The following NOSTRIN variants were observed in gnomAD, a reference collection of about 807,000 sequenced individuals.
The protein encoded by NOSTRIN is nitric oxide synthase trafficking, also known as BM247 homolog.
Under a neutral mutation model 59.0 loss-of-function variants are expected in NOSTRIN, and 63 were observed. That is an observed-to-expected ratio of 1.07 (90% CI 0.87 to 1.32). The LOEUF (loss-of-function observed/expected upper bound fraction) is 1.32. Among genes scored for constraint, NOSTRIN ranks in the 40% most tolerant of loss-of-function variants. The pLI is 0.00. For synonymous variants in NOSTRIN, 200 were observed against 165.4 expected, an observed-to-expected ratio of 1.21 and a Z score of -1.61; for missense variants, 512 against 473.1, an observed-to-expected ratio of 1.08 and a Z score of -0.76.
chr2:168,811,263 A>G (rs1368149011), intron 1 of NOSTRIN: 1 of 177,704 alleles, frequency 5.6e-6, no homozygotes, highest in Non-Finnish European at 1.2e-5. Context: ...CCTGGGAACA[A>G]TAGGGGTGAC....
At chr2:168,815,391 G>T (rs2105567899) in intron 2 of NOSTRIN, among the ~76,000 whole-genome samples, 1 of 152,222 alleles carries the variant, frequency 6.6e-6, no homozygotes, top group South Asian at 2.1e-4. Context: ...AAGAGACAAA[G>T]GTACATTCTC....
At chr2:168,827,886 C>T (rs1687139619) in intron 3 of NOSTRIN, among the ~76,000 whole-genome samples, 1 of 151,968 alleles carries the variant, frequency 6.6e-6, no homozygotes, top group African/African-American at 2.4e-5. Flanking sequence ...GCCACCACAC[C>T]TGGCCATTTC....
chr2:168,794,383 G>T (rs1232551780), upstream of NOSTRIN, among the ~76,000 whole-genome samples: 1 of 142,300 alleles, frequency 7.0e-6, no homozygotes, highest in African/African-American at 2.6e-5. Context: ...ATGGAGTCTC[G>T]CTCTGTTGCC....
At chr2:168,822,322 A>G (rs1686789960) in intron 2 of NOSTRIN, among the ~76,000 whole-genome samples, 1 of 148,460 alleles carries the variant, frequency 6.7e-6, no homozygotes. Context: ...TGGTAAAAAC[A>G]ACTTAAAGCA....
intron 7 of NOSTRIN, 63 bp from the exon 8 acceptor site, chr2:168,842,929 T>A (rs1416239389): frequency 2.4e-6 from 2 of 839,220 alleles, no homozygotes; most frequent in Non-Finnish European, 4.1e-6. Context: ...ATTATTACTA[T>A]GGAATTACAA....
intron 7 of NOSTRIN, among the ~76,000 whole-genome samples, chr2:168,841,219 A>G: frequency 7.3e-6 from 1 of 137,232 alleles, no homozygotes; most frequent in Admixed American, 7.9e-5. Flanking sequence ...TGGGTGACAG[A>G]GCCAGACCCT....
intron 7 of NOSTRIN, among the ~76,000 whole-genome samples, chr2:168,838,942 C>A (rs1035206498): frequency 6.6e-6 from 1 of 151,900 alleles, no homozygotes; most frequent in Non-Finnish European, 1.5e-5. Context: ...CACCACCATG[C>A]CCAGCTAATT....
intron 2 of NOSTRIN, among the ~76,000 whole-genome samples, chr2:168,789,100 G>A (rs1685279814): frequency 6.6e-6 from 1 of 152,196 alleles, no homozygotes; most frequent in African/African-American, 2.4e-5. Context: ...TGAACCAAGA[G>A]GTGGGCAGGG....
At chr2:168,828,079 T>C (rs1687149602) in intron 3 of NOSTRIN, 79 bp from the exon 4 acceptor site, 1 of 833,962 alleles carries the variant, frequency 1.2e-6, no homozygotes, top group South Asian at 1.3e-5. Flanking sequence ...TCAGATGCGA[T>C]GCTGTATTTC....
At chr2:168,831,307 C>G (rs947358246) in intron 5 of NOSTRIN, among the ~76,000 whole-genome samples, 165 bp from the exon 6 acceptor site, 6 of 152,060 alleles carry the variant, frequency 3.9e-5, no homozygotes, top group Non-Finnish European at 8.8e-5. Flanking sequence ...CATGGGGGCT[C>G]CACCCTCATG....
chr2:168,839,139 A>G (rs900484187), intron 7 of NOSTRIN, among the ~76,000 whole-genome samples: 1 of 151,954 alleles, frequency 6.6e-6, no homozygotes, highest in Non-Finnish European at 1.5e-5. Context: ...AACCTTGCCA[A>G]TCTCTTCAAC....
chr2:168,835,623 G>A (rs534858745), intron 7 of NOSTRIN, among the ~76,000 whole-genome samples: 1 of 152,164 alleles, frequency 6.6e-6, no homozygotes, highest in Non-Finnish European at 1.5e-5. Flanking sequence ...GCCAGAAAAT[G>A]TCTGTAAAAT....
chr2:168,854,248 G>A (rs1688945358), intron 10 of NOSTRIN, among the ~76,000 whole-genome samples: 1 of 152,110 alleles, frequency 6.6e-6, no homozygotes, highest in African/African-American at 2.4e-5. Context: ...TTTTTATAGA[G>A]GCTATTCCCT....
At chr2:168,848,059 T>C (rs2105740962) in intron 8 of NOSTRIN, among the ~76,000 whole-genome samples, 1 of 152,362 alleles carries the variant, frequency 6.6e-6, no homozygotes, top group Middle Eastern at 3.4e-3. Context: ...TTCTCTTCTC[T>C]CTTGCTCATA....
At chr2:168,793,332 C>T (rs1277127715), upstream of NOSTRIN, among the ~76,000 whole-genome samples, 4 of 152,260 alleles carry the variant, frequency 2.6e-5, no homozygotes, top group South Asian at 2.1e-4. Flanking sequence ...ATTGGCCAGG[C>T]GCCATGGCTC....
At chr2:168,858,522 G>T (rs117564856) in intron 12 of NOSTRIN, among the ~76,000 whole-genome samples, 1 of 152,296 alleles carries the variant, frequency 6.6e-6, no homozygotes, top group East Asian at 1.9e-4. Flanking sequence ...TGAGAAAACT[G>T]GAGGCACTTA....
upstream of NOSTRIN, among the ~76,000 whole-genome samples, chr2:168,797,079 C>CTTTTTTTTTTTTTTT (rs775176252): frequency 4.6e-3 from 342 of 75,000 alleles, 3 homozygotes; most frequent in African/African-American, 8.3e-3. Context: ...TTTCTTTTTT[C>CTTTTTTTTTTTTTTT]TTTTTTTTTT....
upstream of NOSTRIN, among the ~76,000 whole-genome samples, chr2:168,799,111 A>G (rs554638119): frequency 7.3e-4 from 111 of 152,288 alleles, no homozygotes; most frequent in Middle Eastern, 3.4e-3. Flanking sequence ...ATTCTTGGCA[A>G]ACAACTCAGG....
At chr2:168,814,911 C>T (rs1217755770) in intron 2 of NOSTRIN, among the ~76,000 whole-genome samples, 6 of 152,146 alleles carry the variant, frequency 3.9e-5, no homozygotes, top group African/African-American at 1.4e-4. Flanking sequence ...TTTTCATAAA[C>T]AAATTTTTTT....
Sources: allele counts gnomAD v4.1 joint callset (sites outside exome capture counted in the v4.1 genomes callset), GRCh38; gene constraint gnomAD v4.1.1; transcripts MANE v1.5; gene names NCBI Gene and HGNC (gene_info 2026-07-23, HGNC 2026-07-21).